The following ATXN7L1 variants were observed in gnomAD, a reference collection of about 807,000 sequenced individuals.
The protein encoded by ATXN7L1 is ataxin 7 like 1, also known as ataxin-7-like protein 1.
A neutral mutation model predicts 70.8 loss-of-function variants in ATXN7L1; 15 were observed. The ratio of observed to expected loss-of-function variants is 0.21; its 90% CI spans 0.14 to 0.33. The LOEUF (loss-of-function observed/expected upper bound fraction) is 0.33. Ranked by LOEUF, ATXN7L1 falls within the 10% of genes least tolerant of loss-of-function variation. The pLI is 1.00. For missense variants in ATXN7L1, 975 were observed against 1,097.1 expected (o/e 0.89, Z 1.57); for synonymous variants, 440 against 445.1 (o/e 0.99, Z 0.14).
intron 3 of ATXN7L1, among the ~76,000 whole-genome samples, chr7:105,672,007 G>A (rs539332606): frequency 1.4e-4 from 21 of 151,734 alleles, no homozygotes; most frequent in African/African-American, 5.1e-4. Context: ...GAGAGGCACG[G>A]CCGGGCGTGG....
chr7:105,873,776 C>T (rs1223149510), intron 2 of ATXN7L1, among the ~76,000 whole-genome samples: 4 of 152,108 alleles, frequency 2.6e-5, no homozygotes, highest in East Asian at 3.8e-4. Context: ...ACCTAATAAG[C>T]GGGATGTACC....
intron 3 of ATXN7L1, among the ~76,000 whole-genome samples, chr7:105,684,543 T>C (rs955272787): frequency 1.3e-5 from 2 of 152,216 alleles, no homozygotes; most frequent in Non-Finnish European, 1.5e-5. Flanking sequence ...CTAAGTTTTA[T>C]TTCACACATT....
intron 3 of ATXN7L1, among the ~76,000 whole-genome samples, chr7:105,696,403 C>T (rs1791709522): frequency 6.6e-6 from 1 of 152,300 alleles, no homozygotes; most frequent in Admixed American, 6.5e-5. Context: ...CGTTTGCTTG[C>T]AAGACATAAA....
At chr7:105,850,698 G>A (rs1170075481) in intron 2 of ATXN7L1, among the ~76,000 whole-genome samples, 1 of 152,160 alleles carries the variant, frequency 6.6e-6, no homozygotes, top group East Asian at 1.9e-4. Context: ...TGCACAGAAG[G>A]GGTACCCATG....
chr7:105,812,504 T>C (rs1166363681), intron 2 of ATXN7L1, among the ~76,000 whole-genome samples: 1 of 152,202 alleles, frequency 6.6e-6, no homozygotes, highest in Non-Finnish European at 1.5e-5. Context: ...TAGCTTTCTG[T>C]TCTCCACAAA....
chr7:105,700,508 CAAAAAAAAA>C (rs1186998293), intron 3 of ATXN7L1, among the ~76,000 whole-genome samples: 1 of 49,808 alleles, frequency 2.0e-5, no homozygotes, highest in Non-Finnish European at 3.5e-5. Flanking sequence ...GACTCTGTCT[CAAAAAAAAA>C]AAAAAAAAAA....
chr7:105,779,977 C>T (rs951609371), intron 3 of ATXN7L1, among the ~76,000 whole-genome samples: 8 of 151,978 alleles, frequency 5.3e-5, no homozygotes, highest in African/African-American at 1.9e-4. Context: ...ACAAAAAAAC[C>T]CAAGCCCCAC....
intron 2 of ATXN7L1, among the ~76,000 whole-genome samples, chr7:105,790,654 C>CT (rs71155479): frequency 2.4e-4 from 25 of 104,946 alleles, no homozygotes; most frequent in South Asian, 7.1e-4. Flanking sequence ...ATCTATCTAT[C>CT]ATCTATCTAC....
At chr7:105,845,492 C>CA (rs376964418) in intron 2 of ATXN7L1, among the ~76,000 whole-genome samples, 21,407 of 149,334 alleles carry the variant, frequency 0.14, 1,662 homozygotes, top group Middle Eastern at 0.22. Context: ...ACAGATTCAA[C>CA]GTAATCTTTG....
intron 2 of ATXN7L1, among the ~76,000 whole-genome samples, chr7:105,828,351 G>T (rs985711475): frequency 6.6e-6 from 1 of 152,198 alleles, no homozygotes; most frequent in Admixed American, 6.5e-5. Flanking sequence ...CATCCCTGAA[G>T]GACAGGGAGA....
At chr7:105,786,977 G>A (rs963910086) in intron 3 of ATXN7L1, among the ~76,000 whole-genome samples, 7 of 152,152 alleles carry the variant, frequency 4.6e-5, no homozygotes, top group African/African-American at 1.7e-4. Context: ...GAGCTTCTAT[G>A]CCTGGTCACT....
At chr7:105,688,264 G>C (rs940351551) in intron 3 of ATXN7L1, among the ~76,000 whole-genome samples, 1 of 152,184 alleles carries the variant, frequency 6.6e-6, no homozygotes, top group South Asian at 2.1e-4. Context: ...AACTGGGGAC[G>C]GACACGGTGG....
At position 105,634,137 on chromosome 7, in the gene ATXN7L1, G is replaced by A. The variant is rs952156659; in HGVS notation, c.1202+4216C>T. 1.3e-4 allele frequency among the ~76,000 whole-genome samples: 20 copies of A among 152,296 alleles called. 1 individual carries two copies. Among genetic ancestry groups the A allele is most frequent in the Middle Eastern group, 6.8e-3 (2 of 294 alleles). ...TCTCGGAAAAGCTGAGGAGTGATAGGGAATGGGGCAATGAGCCACAGGAAG... is the reference window on the plus strand; with the variant it reads ...TCTCGGAAAAGCTGAGGAGTGATAGAGAATGGGGCAATGAGCCACAGGAAG... On this transcript the variant is annotated intron_variant, in intron 7 of 11. Transcript: ENST00000419735.
chr7:105,750,101 T>C (rs145280077), intron 3 of ATXN7L1, among the ~76,000 whole-genome samples: 3 of 151,936 alleles, frequency 2.0e-5, no homozygotes, highest in East Asian at 1.9e-4. Context: ...CTTTGAACCA[T>C]GTGTAGACTG....
At chr7:105,610,815 A>G (rs1793080327) in intron 10 of ATXN7L1, among the ~76,000 whole-genome samples, 1 of 152,202 alleles carries the variant, frequency 6.6e-6, no homozygotes, top group Admixed American at 6.5e-5. Context: ...CCCAGAGGAA[A>G]AGTAGAATTG....
intron 4 of ATXN7L1, among the ~76,000 whole-genome samples, chr7:105,646,761 A>G (rs1799093966): frequency 1.7e-5 from 2 of 119,806 alleles, no homozygotes; most frequent in Admixed American, 9.0e-5. Context: ...CCGTGAGACC[A>G]TGTCTCTACA....
intron 2 of ATXN7L1, among the ~76,000 whole-genome samples, chr7:105,797,688 A>C (rs956279280): frequency 2.0e-5 from 3 of 152,192 alleles, no homozygotes; most frequent in Non-Finnish European, 2.9e-5. Context: ...AAAAAATAGA[A>C]CATGTTATTA....
chr7:105,728,516 A>G (rs937576988), intron 3 of ATXN7L1, among the ~76,000 whole-genome samples: 4 of 152,206 alleles, frequency 2.6e-5, no homozygotes, highest in African/African-American at 9.6e-5. Context: ...TTACATATAG[A>G]AATATTTATA....
At chr7:105,647,483 A>G (rs904922973) in intron 4 of ATXN7L1, among the ~76,000 whole-genome samples, 1 of 152,250 alleles carries the variant, frequency 6.6e-6, no homozygotes, top group African/African-American at 2.4e-5. Flanking sequence ...CCCCGTCTCT[A>G]CTAAAAATAC....
Sources: allele counts gnomAD v4.1 joint callset (sites outside exome capture counted in the v4.1 genomes callset), GRCh38; gene constraint gnomAD v4.1.1; transcripts MANE v1.5; gene names NCBI Gene and HGNC (gene_info 2026-07-23, HGNC 2026-07-21).